The following DLG2 variants were observed in gnomAD, a reference collection of about 807,000 sequenced individuals.
The protein encoded by DLG2 is disks large homolog 2.
Under a neutral mutation model 132.5 loss-of-function variants are expected in DLG2, and 45 were observed. That is an observed-to-expected ratio of 0.34 (90% CI 0.27 to 0.44). DLG2 has a LOEUF of 0.44. DLG2 is among the 20% of genes least tolerant of loss of function. The pLI, the probability that DLG2 is intolerant of heterozygous loss-of-function variation, is 1.00. For missense variants in DLG2, 1,045 were observed against 1,196.9 expected (o/e 0.87, Z 1.87); for synonymous variants, 424 against 419.6 (o/e 1.01, Z -0.13).
intron 3 of DLG2, among the ~76,000 whole-genome samples, chr11:85,289,394 T>G (rs1361077236): frequency 6.6e-6 from 1 of 152,116 alleles, no homozygotes; most frequent in African/African-American, 2.4e-5. Context: ...CTCCTTCTCC[T>G]TCAATGCCCA....
intron 6 of DLG2, among the ~76,000 whole-genome samples, chr11:84,720,626 A>G (rs1387672491): frequency 6.6e-6 from 1 of 152,130 alleles, no homozygotes; most frequent in Non-Finnish European, 1.5e-5. Flanking sequence ...AGAACCAAGA[A>G]AGAATTTTTC....
intron 18 of DLG2, among the ~76,000 whole-genome samples, chr11:83,745,661 G>C (rs1220748747): frequency 6.6e-6 from 1 of 151,966 alleles, no homozygotes; most frequent in African/African-American, 2.4e-5. Flanking sequence ...AATTAGCCTG[G>C]CGTGGTGGCA....
chr11:84,529,217 C>A (rs1487720612), intron 7 of DLG2, among the ~76,000 whole-genome samples: 1 of 152,076 alleles, frequency 6.6e-6, no homozygotes, highest in Non-Finnish European at 1.5e-5. Flanking sequence ...GGAAGCATTC[C>A]CCTTGAAAAC....
At chr11:83,502,903 T>G (rs773010247) in intron 21 of DLG2, among the ~76,000 whole-genome samples, 22 of 152,074 alleles carry the variant, frequency 1.4e-4, no homozygotes, top group Non-Finnish European at 3.2e-4. Flanking sequence ...TCATGAACTT[T>G]CTCTTGTTAG....
At chr11:85,080,623 T>C (rs1239543117) in intron 6 of DLG2, among the ~76,000 whole-genome samples, 2 of 152,182 alleles carry the variant, frequency 1.3e-5, no homozygotes, top group African/African-American at 2.4e-5. Flanking sequence ...ATATTGGTGA[T>C]GTTCAAGATT....
chr11:84,300,243 C>T (rs2098136879), intron 7 of DLG2, among the ~76,000 whole-genome samples: 1 of 152,104 alleles, frequency 6.6e-6, no homozygotes, highest in Non-Finnish European at 1.5e-5. Context: ...GTCCATATTG[C>T]ACTCTTCTGC....
At chr11:84,327,738 G>T (rs12099050) in intron 7 of DLG2, among the ~76,000 whole-genome samples, 135 of 152,094 alleles carry the variant, frequency 8.9e-4, no homozygotes, top group African/African-American at 3.1e-3. Context: ...TTATGTTTTT[G>T]ATTTTACAAA....
intron 3 of DLG2, among the ~76,000 whole-genome samples, chr11:85,418,147 T>G (rs2090016199): frequency 6.6e-6 from 1 of 152,230 alleles, no homozygotes; most frequent in South Asian, 2.1e-4. Flanking sequence ...ACTTTGTTTT[T>G]GTTCTCATTG....
chr11:84,297,688 C>A (rs986031677), intron 7 of DLG2, among the ~76,000 whole-genome samples: 1 of 152,050 alleles, frequency 6.6e-6, no homozygotes, highest in Non-Finnish European at 1.5e-5. Flanking sequence ...TTAAAGGAGT[C>A]CAATGGCTTT....
intron 2 of DLG2, among the ~76,000 whole-genome samples, chr11:85,622,369 G>A (rs1004074965): frequency 5.9e-5 from 9 of 151,946 alleles, no homozygotes; most frequent in African/African-American, 2.2e-4. Flanking sequence ...TCAGTGGTCT[G>A]GAACCTAACC....
intron 18 of DLG2, chr11:83,651,702 A>G: frequency 1.5e-5 from 5 of 335,214 alleles, no homozygotes; most frequent in South Asian, 1.0e-4. Flanking sequence ...ATTACTAACC[A>G]GAAAGAGAAT....
At chr11:84,505,383 G>C (rs2099236125) in intron 7 of DLG2, among the ~76,000 whole-genome samples, 1 of 152,126 alleles carries the variant, frequency 6.6e-6, no homozygotes, top group Non-Finnish European at 1.5e-5. Flanking sequence ...AGAGATAAGT[G>C]CTTTCTCCAT....
intron 6 of DLG2, among the ~76,000 whole-genome samples, chr11:85,102,036 C>A (rs2070938313): frequency 6.6e-6 from 1 of 151,960 alleles, no homozygotes; most frequent in Non-Finnish European, 1.5e-5. Context: ...GTTCAACACT[C>A]CAATACTGTC....
intron 4 of DLG2, among the ~76,000 whole-genome samples, chr11:85,174,892 T>A (rs1039825405): frequency 6.6e-6 from 1 of 152,032 alleles, no homozygotes; most frequent in Non-Finnish European, 1.5e-5. Flanking sequence ...CCTGGACACA[T>A]ACATTCTCCC....
chr11:83,980,741 T>A, intron 11 of DLG2, 99 bp from the exon 12 acceptor site: 1 of 1,193,960 alleles, frequency 8.4e-7, no homozygotes, highest in Non-Finnish European at 1.1e-6. Context: ...TAAAAATGAA[T>A]CCTCAACTTA....
At chr11:84,038,760 ACTCTCAGTTCAGCATGG>A (rs925667960) in intron 11 of DLG2, among the ~76,000 whole-genome samples, 2 of 152,028 alleles carry the variant, frequency 1.3e-5, no homozygotes, top group African/African-American at 4.8e-5. Flanking sequence ...AGTTTAATTG[ACTCTCAGTTCAGCATGG>A]CTTGGAAGGC....
At chr11:84,069,446 T>A (rs1056003667) in intron 10 of DLG2, among the ~76,000 whole-genome samples, 1 of 152,138 alleles carries the variant, frequency 6.6e-6, no homozygotes, top group African/African-American at 2.4e-5. Context: ...GCTGTGGACA[T>A]GCAAACCATT....
chr11:83,589,290 T>C (rs2097146567), intron 19 of DLG2, among the ~76,000 whole-genome samples: 1 of 149,684 alleles, frequency 6.7e-6, no homozygotes. Context: ...ACAGCAGATC[T>C]CTCGGCAGAA....
At chr11:84,416,501 G>T (rs1363668362) in intron 7 of DLG2, among the ~76,000 whole-genome samples, 1 of 152,168 alleles carries the variant, frequency 6.6e-6, no homozygotes, top group Non-Finnish European at 1.5e-5. Context: ...CTGGGAGCAA[G>T]GATGCTCTGA....
Sources: gnomAD v4.1 joint callset for allele counts (sites outside exome capture counted in the v4.1 genomes callset) on GRCh38, gnomAD v4.1.1 for gene constraint, MANE v1.5 for transcripts, NCBI Gene and HGNC (gene_info 2026-07-23, HGNC 2026-07-21) for gene names.